Variants in LRRC3B observed in about 807,000 individuals in gnomAD.
LRRC3B encodes leucine rich repeat containing 3B, also known as leucine-rich repeat-containing protein 3B.
A neutral mutation model predicts 12.8 loss-of-function variants in LRRC3B; 2 were observed. That is an observed-to-expected ratio of 0.16 (90% CI 0.06 to 0.49). The LOEUF (loss-of-function observed/expected upper bound fraction) is 0.49, where lower values mean the gene tolerates loss of function less well. Among genes scored for constraint, LRRC3B ranks in the 20% least tolerant of loss-of-function variants. The pLI, the probability that LRRC3B is intolerant of heterozygous loss-of-function variation, is 0.96. For missense variants in LRRC3B, 189 were observed against 319.4 expected (o/e 0.59, Z 3.11); for synonymous variants, 132 against 122.0 (o/e 1.08, Z -0.54).
At chr3:26,692,253 G>C (rs1656538780) in intron 1 of LRRC3B, among the ~76,000 whole-genome samples, 1 of 152,172 alleles carries the variant, frequency 6.6e-6, no homozygotes, top group Admixed American at 6.5e-5. Context: ...AGTAAGGCAA[G>C]GTTAATATGG....
chr3:26,628,927 A>G (rs1347069706), intron 1 of LRRC3B, among the ~76,000 whole-genome samples: 2 of 151,794 alleles, frequency 1.3e-5, no homozygotes, highest in East Asian at 3.9e-4. Flanking sequence ...AGGAAAGGTT[A>G]TGAAATTTAC....
intron 1 of LRRC3B, among the ~76,000 whole-genome samples, chr3:26,677,920 T>C (rs1699894271): frequency 6.6e-6 from 1 of 152,044 alleles, no homozygotes; most frequent in African/African-American, 2.4e-5. Context: ...CCCACCTCAG[T>C]TCCCGAGTAG....
At chr3:26,648,434 G>A (rs893819734) in intron 1 of LRRC3B, among the ~76,000 whole-genome samples, 1 of 151,962 alleles carries the variant, frequency 6.6e-6, no homozygotes, top group East Asian at 1.9e-4. Context: ...AAATGAAAAG[G>A]GCTTTTTTTT....
chr3:26,683,645 C>A (rs1331180034), intron 1 of LRRC3B, among the ~76,000 whole-genome samples: 1 of 152,156 alleles, frequency 6.6e-6, no homozygotes, highest in Non-Finnish European at 1.5e-5. Context: ...AGGTTGCACC[C>A]TATTGAAACA....
intron 1 of LRRC3B, among the ~76,000 whole-genome samples, chr3:26,695,193 T>G: frequency 6.6e-6 from 1 of 152,178 alleles, no homozygotes; most frequent in East Asian, 1.9e-4. Context: ...ATTTAATCAA[T>G]CTCTTTATGA....
In LRRC3B at chr3:26,694,989, G is replaced by C. The variant is rs73821190; in HGVS notation, c.-160-14524G>C. Among the ~76,000 whole-genome samples, 1,369 of 152,102 alleles carry C rather than the reference G, an allele frequency of 9.0e-3. 23 individuals are homozygous for C. Among genetic ancestry groups the C allele is most frequent in the African/African-American group, 0.03 (1,256 of 41,486 alleles). On this transcript the variant is annotated intron_variant, in intron 1 of 1. Coordinates refer to ENST00000396641, the Ensembl canonical transcript of LRRC3B. ...CAACCCCCAGAACCGTCCCCTAAAG[G>C]TAAAACTATTATCAATTTGTTCTTG...
chr3:26,686,331 G>A (rs1212173325), intron 1 of LRRC3B, among the ~76,000 whole-genome samples: 1 of 152,062 alleles, frequency 6.6e-6, no homozygotes, highest in Admixed American at 6.5e-5. Flanking sequence ...CGCCTGCCTT[G>A]GCCTCCCAAA....
At chr3:26,653,097 CAA>C (rs58039696) in intron 1 of LRRC3B, among the ~76,000 whole-genome samples, 21,515 of 116,866 alleles carry the variant, frequency 0.18, 1,531 homozygotes, top group South Asian at 0.26. Flanking sequence ...CTTGTGGGAT[CAA>C]AAAAAAAAAA....
chr3:26,673,868 A>G (rs1699803121), intron 1 of LRRC3B, among the ~76,000 whole-genome samples: 1 of 152,126 alleles, frequency 6.6e-6, no homozygotes, highest in South Asian at 2.1e-4. Context: ...CACTCTTTTG[A>G]GGTTCTTCTT....
At chr3:26,644,939 C>T (rs1341838433) in intron 1 of LRRC3B, among the ~76,000 whole-genome samples, 1 of 152,114 alleles carries the variant, frequency 6.6e-6, no homozygotes, top group African/African-American at 2.4e-5. Context: ...CAAATATACA[C>T]ATATACATAT....
At chr3:26,649,566 T>C (rs994061381) in intron 1 of LRRC3B, among the ~76,000 whole-genome samples, 1 of 152,168 alleles carries the variant, frequency 6.6e-6, no homozygotes, top group Non-Finnish European at 1.5e-5. Context: ...TCCTGCATTT[T>C]CATCATATTT....
intron 1 of LRRC3B, among the ~76,000 whole-genome samples, chr3:26,627,671 G>A (rs777614605): frequency 3.0e-4 from 45 of 152,008 alleles, no homozygotes; most frequent in Non-Finnish European, 6.0e-4. Flanking sequence ...TTTGTGTCAG[G>A]TTGACTGTTC....
intron 1 of LRRC3B, among the ~76,000 whole-genome samples, chr3:26,662,340 G>T (rs1699509011): frequency 6.6e-6 from 1 of 152,080 alleles, no homozygotes; most frequent in African/African-American, 2.4e-5. Context: ...ATATTCATCT[G>T]ATATGCATGA....
intron 1 of LRRC3B, among the ~76,000 whole-genome samples, chr3:26,655,067 A>G (rs1352519744): frequency 3.3e-5 from 5 of 152,030 alleles, no homozygotes; most frequent in Admixed American, 2.0e-4. Context: ...TCATCTGTCT[A>G]TCTGTCTGTC....
At chr3:26,638,403 G>A (rs540139418) in intron 1 of LRRC3B, among the ~76,000 whole-genome samples, 2 of 152,100 alleles carry the variant, frequency 1.3e-5, no homozygotes, top group East Asian at 1.9e-4. Flanking sequence ...TTCAATTAAG[G>A]GTCAACGGAA....
chr3:26,706,458 A>G (rs897381203), intron 1 of LRRC3B, among the ~76,000 whole-genome samples: 3 of 152,164 alleles, frequency 2.0e-5, no homozygotes, highest in African/African-American at 7.2e-5. Context: ...CTTTTTATCA[A>G]ACATAATAGA....
intron 1 of LRRC3B, among the ~76,000 whole-genome samples, chr3:26,699,388 C>A (rs945092804): frequency 6.6e-6 from 1 of 152,078 alleles, no homozygotes; most frequent in African/African-American, 2.4e-5. Context: ...TATTATTGAT[C>A]ATAGTCCTAG....
At chr3:26,678,544 T>C (rs1295217033) in intron 1 of LRRC3B, among the ~76,000 whole-genome samples, 1 of 151,206 alleles carries the variant, frequency 6.6e-6, no homozygotes, top group Non-Finnish European at 1.5e-5. Context: ...TGCTGATGCC[T>C]GAAGAATCAG....
At position 26,698,119 on chromosome 3, in the gene LRRC3B, A is replaced by AGTGGTG. The variant is rs951173774; in HGVS notation, c.-160-11377_-160-11372dup. ...GACATCAGTGTAAGATGATGATGATAGTGGTGGTGGTGGTGGTGGTGGCAG... is the reference window on the plus strand; with the variant it reads ...GACATCAGTGTAAGATGATGATGATAGTGGTGGTGGTGGTGGTGGTGGTGGTGGCAG... On this transcript the variant is annotated intron_variant, in intron 1 of 1. Coordinates refer to ENST00000396641, the Ensembl canonical transcript of LRRC3B. Among the ~76,000 whole-genome samples, 22 of 151,978 alleles carry AGTGGTG rather than the reference A, an allele frequency of 1.4e-4. No homozygotes were observed. The South Asian group carries it at 3.7e-3, about 26-fold the overall frequency.
Sources: allele counts gnomAD v4.1 joint callset (sites outside exome capture counted in the v4.1 genomes callset), GRCh38; gene constraint gnomAD v4.1.1; transcripts MANE v1.5; gene names NCBI Gene and HGNC (gene_info 2026-07-23, HGNC 2026-07-21).